FBLN1: variants seen among roughly 807,000 people sequenced by gnomAD.
FBLN1 encodes fibulin-1.
In FBLN1, 34 loss-of-function variants were observed where a neutral mutation model predicts 89.7. The observed-to-expected ratio is 0.38, with a 90% CI of 0.29 to 0.50. The LOEUF (loss-of-function observed/expected upper bound fraction) is 0.50. FBLN1 is among the 20% of genes least tolerant of loss of function. The probability of loss-of-function intolerance (pLI) is 0.92; values close to 1 mark genes in which losing one functional copy is unlikely to be tolerated. For missense variants in FBLN1, 777 were observed against 988.1 expected, an observed-to-expected ratio of 0.79 and a Z score of 2.86; for synonymous variants, 393 against 391.3, an observed-to-expected ratio of 1.00 and a Z score of -0.05.
chr22:45,586,637 T>C (rs912062595), intron 16 of FBLN1, among the ~76,000 whole-genome samples: 4 of 152,214 alleles, frequency 2.6e-5, no homozygotes, highest in Admixed American at 2.0e-4. Context: ...CCGTGCCTGC[T>C]TGGTCCCCAC....
Position 45,519,049 on chromosome 22 carries a change from C to A in FBLN1, c.185+262C>A, listed in dbSNP as rs1191567871. ...TTCACTGGGCTGGGAGCAAGAAGAT[C>A]TGGGCTTGCAGCTGTGGGCAAGTCA... On this transcript the variant is annotated intron_variant, in intron 2 of 16. Coordinates refer to ENST00000327858, the MANE Select transcript of FBLN1 (RefSeq NM_006486.3). Among the ~76,000 whole-genome samples the A allele has an allele frequency of 7.0e-5, 8 of 114,800 alleles. 2 individuals carry two copies. The highest frequency in any genetic ancestry group is 4.0e-4 in the Admixed American group (5 of 12,554). 75.3% of individuals were successfully genotyped at this position (114,800 alleles called of 152,430 possible).
chr22:45,580,670 C>G lies in FBLN1; in HGVS notation c.1972+3562C>G, dbSNP rs760749859. Among the ~76,000 whole-genome samples, 7 of 152,260 alleles carry G rather than the reference C, an allele frequency of 4.6e-5. No individual in the cohort carries two copies. Among genetic ancestry groups the G allele is most frequent in the Non-Finnish European group, 7.3e-5 (5 of 68,048 alleles). On this transcript the variant is annotated intron_variant, in intron 16 of 16. Transcript: ENST00000327858. The surrounding 1 kb of genome is among the most constrained non-coding windows in gnomAD (Gnocchi z 8.6). The stretch of plus-strand genomic sequence containing the variant: ...CCCAGACACCACACCCGCCCAGAGC[C>G]GGAGCCCAGGGTTGACTGCTGCTGT...
intron 16 of FBLN1, among the ~76,000 whole-genome samples, chr22:45,596,359 T>C (rs1907477673): frequency 6.6e-6 from 1 of 152,138 alleles, no homozygotes; most frequent in African/African-American, 2.4e-5. Context: ...CTTTCTTCTT[T>C]CTTTCTCTGT....
intron 14 of FBLN1, chr22:45,558,344 A>G (rs889186155): frequency 3.3e-6 from 1 of 302,032 alleles, no homozygotes. Context: ...CCCAGAGTCA[A>G]ACATTCAGTT....
Position 45,577,097 on chromosome 22 carries a change from G to A in FBLN1, c.1961G>A (p.Gly654Asp). The change falls in exon 16 of 17, where the codon GGC (glycine) becomes GAC (aspartate). Residue 654 changes from glycine to aspartate, a missense_variant. Coordinates refer to ENST00000327858, the MANE Select transcript of FBLN1 (RefSeq NM_006486.3). The surrounding 1 kb of genome is among the most constrained non-coding windows in gnomAD (Gnocchi z 6.6). Reference protein sequence around the residue: ...SFDIIKRYMDGMTVGVVRQVR... With the variant: ...SFDIIKRYMDDMTVGVVRQVR... Reference sequence around the variant, plus strand: ...GACATCATCAAGCGTTACATGGACGGCATGACCGTGGGTGAGTGGCTGGGA... The same window carrying A: ...GACATCATCAAGCGTTACATGGACGACATGACCGTGGGTGAGTGGCTGGGA... The A allele has an allele frequency of 6.2e-7, 1 of 1,614,058 alleles. No homozygotes were observed. The highest frequency in any genetic ancestry group is 8.5e-7 in the Non-Finnish European group (1 of 1,180,022).
Position 45,525,499 on chromosome 22 carries a change from C to G in FBLN1, c.186-44C>G, listed in dbSNP as rs746104674. On this transcript the variant is annotated intron_variant, in intron 2 of 16. Transcript: ENST00000327858. ...CCCCCGAGGATCTCGTGCCCTGGGC[C>G]CCCTGCGCACAGAGCCTTGGCCCAG... is the stretch of plus-strand genomic sequence containing the variant. The G allele has an allele frequency of 3.9e-6, 6 of 1,545,514 alleles. No homozygotes were observed. The South Asian group carries it at 7.2e-5, about 18-fold the overall frequency.
At chr22:45,510,162 T>A (rs1009765547) in intron 1 of FBLN1, among the ~76,000 whole-genome samples, 5 of 152,124 alleles carry the variant, frequency 3.3e-5, no homozygotes, top group Non-Finnish European at 1.5e-5. Flanking sequence ...AACCACCATC[T>A]CATATCGTCA....
At chr22:45,599,512 C>T (rs1390911333) in intron 16 of FBLN1, among the ~76,000 whole-genome samples, 1 of 152,128 alleles carries the variant, frequency 6.6e-6, no homozygotes, top group Non-Finnish European at 1.5e-5. Context: ...GAGGATACGC[C>T]TGCTTCATTT....
intron 14 of FBLN1, chr22:45,565,053 G>T: frequency 1.2e-6 from 2 of 1,608,106 alleles, no homozygotes; most frequent in Non-Finnish European, 1.7e-6. Flanking sequence ...AGCTGTGATT[G>T]TGCCACGGGA....
rs1342693339 is a variant in FBLN1 at position 45,581,024 on chromosome 22, G to A, written c.1972+3916G>A. Among the ~76,000 whole-genome samples, 2 of 152,226 alleles carry A rather than the reference G, an allele frequency of 1.3e-5. No homozygotes were observed. Among genetic ancestry groups the A allele is most frequent in the African/African-American group, 4.8e-5 (2 of 41,464 alleles). Reference sequence around the variant, plus strand: ...CCATTAATGCCCGAGGGATTCTCAGGCCACTACAAAGCTTTCCTTATCTGG... The same window carrying A: ...CCATTAATGCCCGAGGGATTCTCAGACCACTACAAAGCTTTCCTTATCTGG... On this transcript the variant is annotated intron_variant, in intron 16 of 16. Coordinates refer to ENST00000327858, the MANE Select transcript of FBLN1 (RefSeq NM_006486.3). The surrounding 1 kb of genome is among the most constrained non-coding windows in gnomAD (Gnocchi z 7.6).
intron 2 of FBLN1, among the ~76,000 whole-genome samples, chr22:45,523,827 C>T (rs2088283575): frequency 6.6e-6 from 1 of 152,194 alleles, no homozygotes; most frequent in Non-Finnish European, 1.5e-5. Flanking sequence ...TTGCTGGGTC[C>T]TATGATTATT....
At chr22:45,519,778 A>G (rs1471914239) in intron 2 of FBLN1, among the ~76,000 whole-genome samples, 1 of 152,190 alleles carries the variant, frequency 6.6e-6, no homozygotes, top group East Asian at 1.9e-4. Context: ...CGGGAAGGAC[A>G]AGGGCTGGGG....
Position 45,545,387 on chromosome 22 carries a change from G to A in FBLN1, c.1322-1698G>A, listed in dbSNP as rs1430665062. ...AAGCATGTGAAGAGCTTATCACAGG[G>A]CCAAGCACAGGATGAAGAGCTGGCG... On this transcript the variant is annotated intron_variant, in intron 11 of 16. Transcript: ENST00000327858. This position sits in a 1 kb window ranked among gnomAD's most constrained non-coding sequence, Gnocchi z 5.9. 6.6e-6 allele frequency among the ~76,000 whole-genome samples: 1 copy of A among 152,212 alleles called. No homozygotes were observed. Among genetic ancestry groups the A allele is most frequent in the Non-Finnish European group, 1.5e-5 (1 of 68,042 alleles).
chr22:45,544,130 A>G (rs2088595033), intron 11 of FBLN1, among the ~76,000 whole-genome samples: 1 of 151,060 alleles, frequency 6.6e-6, no homozygotes, highest in African/African-American at 2.4e-5. Flanking sequence ...TCTGTCACCC[A>G]GGCTGGAGTG....
chr22:45,577,164 A>G lies in FBLN1; in HGVS notation c.1972+56A>G. On this transcript the variant is annotated intron_variant, in intron 16 of 16. Transcript: ENST00000327858. This position sits in a 1 kb window ranked among gnomAD's most constrained non-coding sequence, Gnocchi z 6.6. The stretch of plus-strand genomic sequence containing the variant: ...GGCACCCCTCCCCCTCCACCCCGAA[A>G]CCCTCTCTGGCCCAGCCCAACTCCC... 1.2e-6 allele frequency: 2 copies of G among 1,600,456 alleles called. No homozygotes were observed. Among genetic ancestry groups the G allele is most frequent in the Non-Finnish European group, 1.7e-6 (2 of 1,171,828 alleles).
chr22:45,503,918 G>A lies in FBLN1; in HGVS notation c.79+854G>A, dbSNP rs557018479. 1.1e-4 allele frequency among the ~76,000 whole-genome samples: 17 copies of A among 152,244 alleles called. 2 individuals carry two copies. The South Asian group carries it at 3.5e-3, about 32-fold the overall frequency. Reference sequence around the variant, plus strand: ...CTAACCCTCAAGGCCTGGTCCCTGGGGGGACTGCCACGAGGTCCTCTGATC... The same window carrying A: ...CTAACCCTCAAGGCCTGGTCCCTGGAGGGACTGCCACGAGGTCCTCTGATC... On this transcript the variant is annotated intron_variant, in intron 1 of 16. Coordinates refer to ENST00000327858, the MANE Select transcript of FBLN1 (RefSeq NM_006486.3).
At chr22:45,547,933 G>A (rs997252032) in intron 12 of FBLN1, among the ~76,000 whole-genome samples, 4 of 152,082 alleles carry the variant, frequency 2.6e-5, no homozygotes, top group Non-Finnish European at 5.9e-5. Context: ...TCTGTAACAT[G>A]ATGATTAACT....
rs1281518838 is a variant in FBLN1, at chr22:45,597,503, G to A, written c.1973-2804G>A. 2.0e-5 allele frequency among the ~76,000 whole-genome samples: 3 copies of A among 152,106 alleles called. No homozygotes were observed. The highest frequency in any genetic ancestry group is 2.9e-5 in the Non-Finnish European group (2 of 68,024). On this transcript the variant is annotated intron_variant, in intron 16 of 16. Coordinates refer to ENST00000327858, the MANE Select transcript of FBLN1 (RefSeq NM_006486.3). The surrounding 1 kb of genome is among the most constrained non-coding windows in gnomAD (Gnocchi z 4.2). ...TAGCGGGGGCACCATTGTTGGCCTC[G>A]GGCCTGGGGAGAGAAAAATATGACA...
chr22:45,546,603 G>A (rs1345245468), intron 11 of FBLN1, among the ~76,000 whole-genome samples: 1 of 152,244 alleles, frequency 6.6e-6, no homozygotes, highest in Non-Finnish European at 1.5e-5. Context: ...TCTGCTTTAG[G>A]TAAAGGGGAC....
Sources: gnomAD v4.1 joint callset for allele counts (sites outside exome capture counted in the v4.1 genomes callset) on GRCh38, gnomAD v4.1.1 for gene constraint, Gnocchi (gnomAD v3.1) non-coding constraint, MANE v1.5 for transcripts, NCBI Gene and HGNC (gene_info 2026-07-23, HGNC 2026-07-21) for gene names.